Variants in SLC4A8 observed in about 807,000 individuals in gnomAD.
SLC4A8 encodes the protein solute carrier family 4 member 8, also known as electroneutral sodium bicarbonate exchanger 1.
Under a neutral mutation model 125.0 loss-of-function variants are expected in SLC4A8, and 40 were observed. The observed-to-expected ratio is 0.32, with a 90% CI of 0.25 to 0.42. SLC4A8 has a LOEUF of 0.42. Among genes scored for constraint, SLC4A8 ranks in the 10% least tolerant of loss-of-function variants. SLC4A8 has a pLI of 1.00. For synonymous variants in SLC4A8, 456 were observed against 476.0 expected, an observed-to-expected ratio of 0.96 and a Z score of 0.55; for missense variants, 863 against 1,355.1, an observed-to-expected ratio of 0.64 and a Z score of 5.70.
At chr12:51,411,545 T>G (rs989277077) in intron 1 of SLC4A8, among the ~76,000 whole-genome samples, 2 of 152,104 alleles carry the variant, frequency 1.3e-5, no homozygotes. Context: ...GCGGTGATTA[T>G]GCCATTGTAC....
chr12:51,394,599 C>T (rs554732418), intron 1 of SLC4A8, among the ~76,000 whole-genome samples: 29 of 152,292 alleles, frequency 1.9e-4, no homozygotes, highest in Non-Finnish European at 3.7e-4. Context: ...TGGGAGATCA[C>T]TTGAAGCCGG....
intron 12 of SLC4A8, 86 bp downstream of exon 12, chr12:51,469,874 T>C (rs1592238524): frequency 7.9e-7 from 1 of 1,273,618 alleles, no homozygotes; most frequent in Non-Finnish European, 1.1e-6. Flanking sequence ...GGGAAATTAC[T>C]TGGTCTAGGA....
rs557013220 is a variant in SLC4A8, at chr12:51,507,600, A to C, written c.*162A>C. The C allele has an allele frequency of 1.8e-5, 9 of 492,626 alleles. No individual in the cohort carries two copies. The highest frequency in any genetic ancestry group is 2.9e-5 in the Non-Finnish European group (8 of 275,644). The allele number at this position is 492,626 out of a possible 1,614,324, so 30.5% of individuals were successfully genotyped here. A position where few individuals can be genotyped will look rare whatever the true frequency, so the allele number is the denominator to read the frequency against. ...AAGCATTCAGTTATTCTTGGTGTGC[A>C]TTGGAAGGCATCCAGCTATCCCCAT... is the stretch of plus-strand genomic sequence containing the variant. On this transcript the variant is annotated 3_prime_UTR_variant, in exon 25 of 25. Coordinates refer to ENST00000453097, the MANE Select transcript of SLC4A8 (RefSeq NM_001039960.3).
intron 1 of SLC4A8, among the ~76,000 whole-genome samples, chr12:51,395,741 C>A (rs1948246771): frequency 1.3e-5 from 2 of 152,180 alleles, no homozygotes; most frequent in Admixed American, 1.3e-4. Context: ...TCTCATCTCA[C>A]CCACTCTCCT....
intron 5 of SLC4A8, among the ~76,000 whole-genome samples, chr12:51,456,163 CTT>C (rs1021418210): frequency 2.7e-5 from 4 of 150,640 alleles, no homozygotes; most frequent in African/African-American, 7.3e-5. Context: ...CTTCTGATAA[CTT>C]TAAGTGATAA....
intron 2 of SLC4A8, among the ~76,000 whole-genome samples, chr12:51,441,982 T>A (rs188233562): frequency 6.6e-6 from 1 of 152,256 alleles, no homozygotes; most frequent in Admixed American, 6.5e-5. Flanking sequence ...GGAAAGGGTG[T>A]GGAATGGAAG....
intron 1 of SLC4A8, among the ~76,000 whole-genome samples, chr12:51,434,924 G>A (rs1041095404): frequency 9.2e-5 from 14 of 152,098 alleles, no homozygotes; most frequent in African/African-American, 3.1e-4. Context: ...TCATTGAAAT[G>A]TATGGGATAC....
chr12:51,455,249 C>G (rs1401767316), intron 5 of SLC4A8, among the ~76,000 whole-genome samples: 3 of 151,246 alleles, frequency 2.0e-5, no homozygotes, highest in Non-Finnish European at 2.9e-5. Context: ...CTTGCTTTTC[C>G]CCACAGTGAG....
chr12:51,411,588 A>G (rs1051036548), intron 1 of SLC4A8, among the ~76,000 whole-genome samples: 6 of 151,692 alleles, frequency 4.0e-5, no homozygotes, highest in African/African-American at 1.5e-4. Context: ...AGACCCTGCC[A>G]CACACACACA....
At position 51,410,035 on chromosome 12, in the gene SLC4A8, TG is replaced by T. The variant is rs1019812859; in HGVS notation, c.-112+18549del. On this transcript the variant is annotated intron_variant, in intron 1 of 24. Transcript: ENST00000358657. ...CGTCAGTCTGACTTTGGCCTGATGG[TG>T]GTGGGCTAATCATTTGTAACCTTCC... is the stretch of plus-strand genomic sequence containing the variant. Among the ~76,000 whole-genome samples, 107 of 152,162 alleles carry T rather than the reference TG, an allele frequency of 7.0e-4. 3 individuals carry two copies. Among genetic ancestry groups the T allele is most frequent in the Non-Finnish European group, 4.4e-5 (3 of 68,016 alleles).
intron 16 of SLC4A8, among the ~76,000 whole-genome samples, chr12:51,483,130 G>T (rs934795485): frequency 3.3e-5 from 5 of 152,152 alleles, no homozygotes; most frequent in African/African-American, 9.7e-5. Context: ...TCAGTGTGCT[G>T]CTTCTCTCGG....
At chr12:51,421,300 G>A (rs1358157538), upstream of SLC4A8, among the ~76,000 whole-genome samples, 2 of 152,314 alleles carry the variant, frequency 1.3e-5, no homozygotes, top group Middle Eastern at 3.4e-3. Flanking sequence ...TAGGAGCCTC[G>A]TGCTTAGAGC....
chr12:51,461,220 T>C lies in SLC4A8; in HGVS notation c.1030T>C (p.Leu344=), dbSNP rs1175071609. Residue 344 remains leucine, a synonymous_variant, in exon 9 of 25, where the codon TTG becomes CTG. Coordinates refer to ENST00000453097, the MANE Select transcript of SLC4A8 (RefSeq NM_001039960.3). ...TTTTGCCAGATTTTTGTTTATCTTA[T>C]TGGGTCCAGTAGGGAAAGGTCAGCA... ...PIPTRFLFIL[L]GPVGKGQQYH... The C allele has an allele frequency of 6.2e-7, 1 of 1,610,066 alleles. No homozygotes were observed. The highest frequency in any genetic ancestry group is 2.2e-5 in the East Asian group (1 of 44,830).
At chr12:51,462,597 T>G (rs1489888580) in intron 10 of SLC4A8, 141 bp downstream of exon 10, 11 of 629,220 alleles carry the variant, frequency 1.7e-5, no homozygotes, top group Admixed American at 7.5e-5. Flanking sequence ...AAAACAATAA[T>G]AAAAATGAAT....
At chr12:51,489,130 T>G (rs1951236079) in intron 18 of SLC4A8, among the ~76,000 whole-genome samples, 2 of 152,240 alleles carry the variant, frequency 1.3e-5, no homozygotes, top group South Asian at 4.1e-4. Flanking sequence ...TATAGCTATA[T>G]GCTTTGGGTC....
rs1400294989 is a variant in SLC4A8 at position 51,515,381 on chromosome 12, A to T, written c.*7943A>T. On this transcript the variant is annotated 3_prime_UTR_variant, in exon 25 of 25. Coordinates refer to ENST00000453097, the MANE Select transcript of SLC4A8 (RefSeq NM_001039960.3). The stretch of plus-strand genomic sequence containing the variant: ...AAGCTAATGGTGTCAGGTGGAGAAC[A>T]GAGCAACCTTCCCTCGGAAGGAGAC... 2 of 152,252 alleles carry T rather than the reference A, an allele frequency of 1.3e-5. No individual in the cohort carries two copies. The highest frequency in any genetic ancestry group is 2.9e-5 in the Non-Finnish European group (2 of 68,054). The allele number at this position is 152,252 out of a possible 1,614,324, so 9.4% of individuals were successfully genotyped here. A position where few individuals can be genotyped will look rare whatever the true frequency, so the allele number is the denominator to read the frequency against.
chr12:51,451,911 C>T (rs1995690), intron 3 of SLC4A8, among the ~76,000 whole-genome samples: 141,069 of 152,284 alleles, frequency 0.93, 65,398 homozygotes, highest in Non-Finnish European at 0.95. Flanking sequence ...TCCAGTTTCT[C>T]GTGGGTTTTC....
At chr12:51,460,791 AT>A (rs889750801) in intron 8 of SLC4A8, among the ~76,000 whole-genome samples, 2 of 152,206 alleles carry the variant, frequency 1.3e-5, no homozygotes, top group African/African-American at 4.8e-5. Flanking sequence ...TCCAGAACAC[AT>A]TTAGACTCCT....
At chr12:51,439,348 G>T (rs1213034731) in intron 1 of SLC4A8, among the ~76,000 whole-genome samples, 1 of 152,156 alleles carries the variant, frequency 6.6e-6, no homozygotes, top group African/African-American at 2.4e-5. Context: ...GAGCCACCAT[G>T]CCCGGCCAAG....
Sources: allele counts gnomAD v4.1 joint callset (sites outside exome capture counted in the v4.1 genomes callset), GRCh38; gene constraint gnomAD v4.1.1; transcripts MANE v1.5; gene names NCBI Gene and HGNC (gene_info 2026-07-23, HGNC 2026-07-21).